Variants in GOLGA5 observed in about 807,000 individuals in gnomAD.
The protein encoded by GOLGA5 is golgin A5.
In GOLGA5, 50 loss-of-function variants were observed where a neutral mutation model predicts 93.5. The observed-to-expected ratio is 0.53, with a 90% CI of 0.43 to 0.68. GOLGA5 has a LOEUF of 0.68. GOLGA5 is among the 30% of genes least tolerant of loss of function. The probability of loss-of-function intolerance (pLI) is 0.00; values close to 1 mark genes in which losing one functional copy is unlikely to be tolerated. For synonymous variants in GOLGA5, 312 were observed against 304.5 expected (o/e 1.02, Z -0.26); for missense variants, 760 against 856.4 (o/e 0.89, Z 1.40).
chr14:92,826,697 CAAAAAAAAA>C (rs200131503), intron 9 of GOLGA5, among the ~76,000 whole-genome samples: 2 of 101,066 alleles, frequency 2.0e-5, no homozygotes, highest in South Asian at 2.8e-4. Flanking sequence ...GACTCTATCT[CAAAAAAAAA>C]AAAAAGAAAA....
chr14:92,828,153 A>G (rs1402460985), intron 9 of GOLGA5, among the ~76,000 whole-genome samples: 1 of 152,248 alleles, frequency 6.6e-6, no homozygotes, highest in East Asian at 1.9e-4. Context: ...CTTCTATTGG[A>G]AGAAAATGCT....
intron 9 of GOLGA5, among the ~76,000 whole-genome samples, chr14:92,827,422 C>T (rs911396872): frequency 6.6e-6 from 1 of 152,166 alleles, no homozygotes; most frequent in Non-Finnish European, 1.5e-5. Flanking sequence ...TGGGGGCACA[C>T]AAACTGCATC....
chr14:92,800,536 TGCAATTAAACCCATTA>T (rs1884848426), intron 2 of GOLGA5, among the ~76,000 whole-genome samples: 3 of 152,380 alleles, frequency 2.0e-5, no homozygotes, highest in African/African-American at 7.2e-5. Context: ...ATACTGTTTA[TGCAATTAAACCCATTA>T]CTTCTATAAT....
intron 12 of GOLGA5, among the ~76,000 whole-genome samples, chr14:92,838,292 G>GAAAAGAAATTTCTTTA (rs906594001): frequency 3.3e-5 from 5 of 152,088 alleles, no homozygotes; most frequent in Non-Finnish European, 5.9e-5. Flanking sequence ...CTGTTTTCTT[G>GAAAAGAAATTTCTTTA]AAAAGAAATT....
Position 92,815,284 on chromosome 14 carries a change from A to T in GOLGA5, c.1321-967A>T, listed in dbSNP as rs144481729. Among the ~76,000 whole-genome samples the T allele has an allele frequency of 3.2e-3, 494 of 152,282 alleles. 1 individual carries two copies. The highest frequency in any genetic ancestry group is 0.011 in the African/African-American group (463 of 41,548). On this transcript the variant is annotated intron_variant, in intron 6 of 12. Coordinates refer to ENST00000163416, the MANE Select transcript of GOLGA5 (RefSeq NM_005113.4). The stretch of plus-strand genomic sequence containing the variant: ...AGTCTACCCATATTTCAAGGCCAAC[A>T]TTTATGCTCTCTTAAAGTCTCCTCT...
At chr14:92,838,902 A>T (rs565720468) in intron 12 of GOLGA5, among the ~76,000 whole-genome samples, 1 of 152,044 alleles carries the variant, frequency 6.6e-6, no homozygotes, top group Non-Finnish European at 1.5e-5. Context: ...GAGGGAATTA[A>T]ATTTGTCACT....
At chr14:92,794,678 C>T (rs1318553460) in intron 1 of GOLGA5, among the ~76,000 whole-genome samples, 1 of 152,248 alleles carries the variant, frequency 6.6e-6, no homozygotes, top group African/African-American at 2.4e-5. Context: ...TGACCCCTGC[C>T]TGGCCTGGCC....
At chr14:92,800,316 C>G (rs1884840984) in intron 2 of GOLGA5, among the ~76,000 whole-genome samples, 1 of 152,196 alleles carries the variant, frequency 6.6e-6, no homozygotes, top group African/African-American at 2.4e-5. Flanking sequence ...CACAGAGGGT[C>G]TGTATTTTTA....
intron 2 of GOLGA5, among the ~76,000 whole-genome samples, chr14:92,799,118 C>G (rs1011295576): frequency 1.1e-4 from 16 of 152,006 alleles, no homozygotes; most frequent in Non-Finnish European, 1.9e-4. Flanking sequence ...TAGGTGCACA[C>G]CACTGTGCCC....
intron 3 of GOLGA5, among the ~76,000 whole-genome samples, chr14:92,808,498 T>C (rs1370948190): frequency 2.0e-5 from 3 of 151,912 alleles, no homozygotes; most frequent in Admixed American, 6.6e-5. Flanking sequence ...TGTTTTAAAT[T>C]AGCTGAATAT....
At chr14:92,812,542 T>C in intron 6 of GOLGA5, among the ~76,000 whole-genome samples, 1 of 152,250 alleles carries the variant, frequency 6.6e-6, no homozygotes, top group East Asian at 1.9e-4. Context: ...CGTGCTGTCT[T>C]CATTTCTGTA....
At chr14:92,824,475 T>C in intron 8 of GOLGA5, 71 bp from the exon 9 acceptor site, 2 of 729,366 alleles carry the variant, frequency 2.7e-6, no homozygotes, top group East Asian at 5.0e-5. Context: ...TGCCAGGCAC[T>C]GATTTAGGTA....
rs1399865076 is a variant in GOLGA5, at chr14:92,797,879, C to T, written c.442C>T (p.Pro148Ser). 1.2e-6 allele frequency: 2 copies of T among 1,612,612 alleles called. No individual in the cohort carries two copies. Among genetic ancestry groups the T allele is most frequent in the East Asian group, 4.5e-5 (2 of 44,890 alleles). The change falls in exon 2 of 13, where the codon CCT (proline) becomes TCT (serine). Residue 148 changes from proline (P) to serine (S), a missense_variant. Coordinates refer to ENST00000163416, the MANE Select transcript of GOLGA5 (RefSeq NM_005113.4). Reference protein sequence around the residue: ...VEIRKEKGKTPVFQSSQTSSV... With the variant: ...VEIRKEKGKTSVFQSSQTSSV... Reference sequence around the variant, plus strand: ...AATCAGAAAGGAAAAAGGCAAGACACCTGTCTTTCAGAGCTCTCAGACATC... The same window carrying T: ...AATCAGAAAGGAAAAAGGCAAGACATCTGTCTTTCAGAGCTCTCAGACATC...
chr14:92,797,977 C>A lies in GOLGA5; in HGVS notation c.540C>A (p.Thr180=). 2 of 1,572,356 alleles carry A rather than the reference C, an allele frequency of 1.3e-6. No homozygotes were observed. Residue 180 remains threonine (T), a synonymous_variant, in exon 2 of 13, where the codon ACC becomes ACA. Transcript: ENST00000163416. ...TIEENSFGSQ[T]HEAASNSDSS... is the part of the protein sequence containing the mutation. Reference sequence around the variant, plus strand: ...AAGAAAATTCTTTTGGGAGCCAAACCCACGGTAGTTAATCAGTCCTCTTAT... The same window carrying A: ...AAGAAAATTCTTTTGGGAGCCAAACACACGGTAGTTAATCAGTCCTCTTAT...
chr14:92,818,735 T>G (rs1215333082), intron 7 of GOLGA5, among the ~76,000 whole-genome samples: 3 of 152,190 alleles, frequency 2.0e-5, no homozygotes, highest in Admixed American at 6.5e-5. Flanking sequence ...TGAAACAGAA[T>G]GTACCAACAG....
At chr14:92,800,961 G>A (rs1355587667) in intron 2 of GOLGA5, among the ~76,000 whole-genome samples, 2 of 152,298 alleles carry the variant, frequency 1.3e-5, no homozygotes, top group South Asian at 2.1e-4. Flanking sequence ...CTTGAGACTT[G>A]GTGTTTTGGG....
At position 92,809,382 on chromosome 14, in the gene GOLGA5, C is replaced by G; in HGVS notation, c.855C>G (p.Ala285=). 6.2e-7 allele frequency: 1 copy of G among 1,613,328 alleles called. No homozygotes were observed. The highest frequency in any genetic ancestry group is 8.5e-7 in the Non-Finnish European group (1 of 1,179,386). ...ATCGAATGACTCGAGGACTCCGAGC[C>G]CAAGTAGATGACCTGACTGAAGCTG... ...KSDRMTRGLR[A]QVDDLTEAVA... is the part of the protein sequence containing the mutation. The change falls in exon 4 of 13, where the codon GCC becomes GCG. Residue 285 remains alanine (A), a synonymous_variant. Transcript: ENST00000163416.
chr14:92,809,121 C>T (rs1885051877), intron 3 of GOLGA5, among the ~76,000 whole-genome samples, 179 bp from the exon 4 acceptor site: 1 of 152,110 alleles, frequency 6.6e-6, no homozygotes, highest in African/African-American at 2.4e-5. Context: ...TATAATCTAG[C>T]TGTGAATATT....
In GOLGA5 at chr14:92,814,713, A is replaced by G. The variant is rs529674797; in HGVS notation, c.1321-1538A>G. Among the ~76,000 whole-genome samples, 24 of 152,250 alleles carry G rather than the reference A, an allele frequency of 1.6e-4. No individual in the cohort carries two copies. In the South Asian group the frequency reaches 4.6e-3, roughly 29 times the overall value. ...AAATTATTTTTGATGGAGGAGAATG[A>G]CTTTAAAATATTTTAATTTAACGTG... On this transcript the variant is annotated intron_variant, in intron 6 of 12. Coordinates refer to ENST00000163416, the MANE Select transcript of GOLGA5 (RefSeq NM_005113.4).
Sources: gnomAD v4.1 joint callset for allele counts (sites outside exome capture counted in the v4.1 genomes callset) on GRCh38, gnomAD v4.1.1 for gene constraint, MANE v1.5 for transcripts, NCBI Gene and HGNC (gene_info 2026-07-23, HGNC 2026-07-21) for gene names.